Variants in SSBP2 observed in about 807,000 individuals in gnomAD.
SSBP2 encodes the protein single-stranded DNA-binding protein 2.
A neutral mutation model predicts 61.8 loss-of-function variants in SSBP2; 17 were observed. The ratio of observed to expected loss-of-function variants is 0.28; its 90% CI spans 0.19 to 0.41. The LOEUF is 0.41. SSBP2 is among the 10% of genes least tolerant of loss of function. The pLI is 1.00. For missense variants in SSBP2, 310 were observed against 458.7 expected, an observed-to-expected ratio of 0.68 and a Z score of 2.96; for synonymous variants, 139 against 141.3, an observed-to-expected ratio of 0.98 and a Z score of 0.12.
intron 4 of SSBP2, among the ~76,000 whole-genome samples, chr5:81,576,138 C>T (rs1362514965): frequency 6.6e-6 from 1 of 151,832 alleles, no homozygotes; most frequent in Non-Finnish European, 1.5e-5. Flanking sequence ...ATTCAGACTC[C>T]CCAGTGCCAA....
rs540673910 is a variant in SSBP2, at chr5:81,445,028, CAGG to C, written c.778+1837_778+1839del. On this transcript the variant is annotated intron_variant, in intron 12 of 16. Transcript: ENST00000320672. ...ATCCCAGCTACTCGGGAGGCTGCAG[CAGG>C]AGAATTGCTTGAATCCAGGAGGCTG... Among the ~76,000 whole-genome samples the C allele has an allele frequency of 1.5e-3, 227 of 150,462 alleles. 1 individual carries two copies. The highest frequency in any genetic ancestry group is 5.2e-3 in the African/African-American group (215 of 41,040).
chr5:81,441,239 A>T (rs906009913), intron 13 of SSBP2, among the ~76,000 whole-genome samples: 1 of 152,138 alleles, frequency 6.6e-6, no homozygotes, highest in Non-Finnish European at 1.5e-5. Flanking sequence ...AACATTTTTC[A>T]AAGTAGTGGA....
chr5:81,637,597 C>T (rs540846055), intron 2 of SSBP2, among the ~76,000 whole-genome samples: 5 of 152,172 alleles, frequency 3.3e-5, no homozygotes, highest in South Asian at 2.1e-4. Flanking sequence ...TGTGAAGTTG[C>T]GAAAGTTACT....
intron 4 of SSBP2, among the ~76,000 whole-genome samples, chr5:81,537,248 ATCT>A (rs1361405174): frequency 6.6e-6 from 1 of 152,110 alleles, no homozygotes; most frequent in African/African-American, 2.4e-5. Context: ...TTACCTAAAA[ATCT>A]TCTTAACTAC....
At chr5:81,635,580 ATTTTTTTTT>A (rs35464950) in intron 3 of SSBP2, among the ~76,000 whole-genome samples, 5 of 130,890 alleles carry the variant, frequency 3.8e-5, no homozygotes, top group South Asian at 4.9e-4. Context: ...GTAGAAAGCA[ATTTTTTTTT>A]TTTTTTTTTT....
intron 1 of SSBP2, among the ~76,000 whole-genome samples, chr5:81,684,603 C>CCCTACTGGGTTTTATACATGCATGGGG (rs1211224641): frequency 1.6e-4 from 25 of 152,116 alleles, no homozygotes; most frequent in South Asian, 4.1e-4. Context: ...TTAATGACTG[C>CCCTACTGGGTTTTATACATGCATGGGG]CCTACTGGGT....
intron 1 of SSBP2, among the ~76,000 whole-genome samples, chr5:81,652,819 T>A (rs1033429108): frequency 1.3e-5 from 2 of 152,090 alleles, no homozygotes; most frequent in Non-Finnish European, 2.9e-5. Flanking sequence ...AGTTCTTTAG[T>A]GGTGATTTGT....
chr5:81,741,558 T>C (rs1277863307), intron 1 of SSBP2, among the ~76,000 whole-genome samples: 2 of 152,210 alleles, frequency 1.3e-5, no homozygotes, highest in Non-Finnish European at 2.9e-5. Context: ...TGAAAGACTT[T>C]TCCTCCCTTG....
chr5:81,459,986 A>G (rs1000775721), intron 10 of SSBP2, among the ~76,000 whole-genome samples: 3 of 152,202 alleles, frequency 2.0e-5, no homozygotes, highest in African/African-American at 7.2e-5. Context: ...CTTAGCAAAC[A>G]TCGTAGCTAT....
At position 81,414,129 on chromosome 5, in the gene SSBP2, C is replaced by T. The variant is rs1412415162; in HGVS notation, c.*6375G>A. On this transcript the variant is annotated 3_prime_UTR_variant, in exon 17 of 17. Transcript: ENST00000320672. ...TAAATATGTTAGAAACAGATCACAA[C>T]ATTTTAATGACTGGGATAAGCAAAA... 6.6e-6 allele frequency: 1 copy of T among 152,102 alleles called. No homozygotes were observed. Among genetic ancestry groups the T allele is most frequent in the African/African-American group, 2.4e-5 (1 of 41,442 alleles). The allele number at this position is 152,102 out of a possible 1,614,324, so 9.4% of individuals were successfully genotyped here. A position where few individuals can be genotyped will look rare whatever the true frequency, so the allele number is the denominator to read the frequency against.
Position 81,615,506 on chromosome 5 carries a change from T to C in SSBP2, c.249A>G (p.Glu83=), listed in dbSNP as rs764172613. Residue 83 remains glutamate (E), a synonymous_variant, in exon 4 of 17, where the codon GAA becomes GAG. Transcript: ENST00000320672. Reference sequence around the variant, plus strand: ...GGAAGGCTTTTGCTTCACTTGAGTGTTCACATGTTTCACGTCTCTCTGGAG... The same window carrying C: ...GGAAGGCTTTTGCTTCACTTGAGTGCTCACATGTTTCACGTCTCTCTGGAG... 4.3e-6 allele frequency: 7 copies of C among 1,613,808 alleles called. No homozygotes were observed. The highest frequency in any genetic ancestry group is 5.9e-6 in the Non-Finnish European group (7 of 1,179,842).
At chr5:81,516,627 T>A (rs572271492) in intron 4 of SSBP2, among the ~76,000 whole-genome samples, 8 of 152,140 alleles carry the variant, frequency 5.3e-5, no homozygotes, top group Non-Finnish European at 8.8e-5. Context: ...TAGGGTACCA[T>A]TTGGTACCCT....
At chr5:81,423,610 T>C (rs1378122319) in intron 16 of SSBP2, among the ~76,000 whole-genome samples, 1 of 151,954 alleles carries the variant, frequency 6.6e-6, no homozygotes, top group African/African-American at 2.4e-5. Flanking sequence ...CCAGGCGAGG[T>C]GGCAGGTGCC....
At chr5:81,707,490 G>C (rs771479668) in intron 1 of SSBP2, among the ~76,000 whole-genome samples, 4 of 152,094 alleles carry the variant, frequency 2.6e-5, no homozygotes, top group Non-Finnish European at 5.9e-5. Context: ...TCATCTATAA[G>C]GCAAGGAGAG....
At position 81,634,491 on chromosome 5, in the gene SSBP2, CTG is replaced by C. The variant is rs1254690491; in HGVS notation, c.197+2064_197+2065del. 2.0e-5 allele frequency among the ~76,000 whole-genome samples: 3 copies of C among 152,326 alleles called. No individual in the cohort carries two copies. In the East Asian group the frequency reaches 5.8e-4, roughly 29 times the overall value. On this transcript the variant is annotated intron_variant, in intron 3 of 16. Coordinates refer to ENST00000320672, the MANE Select transcript of SSBP2 (RefSeq NM_012446.5). Reference sequence around the variant, plus strand: ...ACATGTTCTCAGGACCTCCCAAGGGCTGTGTCAAGGGCCACGGTCATTTATAT... The same window carrying C: ...ACATGTTCTCAGGACCTCCCAAGGGCTGTCAAGGGCCACGGTCATTTATAT...
chr5:81,733,347 T>C (rs1044094426), intron 1 of SSBP2, among the ~76,000 whole-genome samples: 2 of 152,004 alleles, frequency 1.3e-5, no homozygotes, highest in Admixed American at 6.5e-5. Context: ...TACTTATCTC[T>C]CTAACTTTCA....
At chr5:81,540,743 G>T (rs1771202807) in intron 4 of SSBP2, among the ~76,000 whole-genome samples, 1 of 152,084 alleles carries the variant, frequency 6.6e-6, no homozygotes, top group South Asian at 2.1e-4. Flanking sequence ...ACCAAAACAT[G>T]TGTGTGACTC....
At chr5:81,677,881 A>C (rs2153807164) in intron 1 of SSBP2, among the ~76,000 whole-genome samples, 1 of 151,106 alleles carries the variant, frequency 6.6e-6, no homozygotes, top group South Asian at 2.1e-4. Context: ...GCACCAGCTC[A>C]CCAAAAGACA....
Position 81,418,973 on chromosome 5 carries a change from A to G in SSBP2, c.*1531T>C, listed in dbSNP as rs1478679038. On this transcript the variant is annotated 3_prime_UTR_variant, in exon 17 of 17. Transcript: ENST00000320672. ...TTGGATTCATAGTTGGTATTTATCA[A>G]TGGTTGTTTGTATCACAATTTTAAC... 2 of 152,136 alleles carry G rather than the reference A, an allele frequency of 1.3e-5. No individual in the cohort carries two copies. The highest frequency in any genetic ancestry group is 2.9e-5 in the Non-Finnish European group (2 of 68,022). The allele number at this position is 152,136 out of a possible 1,614,324, so 9.4% of individuals were successfully genotyped here. A position where few individuals can be genotyped will look rare whatever the true frequency, so the allele number is the denominator to read the frequency against.
Sources: allele counts gnomAD v4.1 joint callset (sites outside exome capture counted in the v4.1 genomes callset), GRCh38; gene constraint gnomAD v4.1.1; transcripts MANE v1.5; gene names NCBI Gene and HGNC (gene_info 2026-07-23, HGNC 2026-07-21).